MAPK4: variants seen among roughly 807,000 people sequenced by gnomAD.
The protein encoded by MAPK4 is Erk3-related.
Under a neutral mutation model 47.7 loss-of-function variants are expected in MAPK4, and 22 were observed. The observed-to-expected ratio is 0.46, with a 90% CI of 0.33 to 0.66. MAPK4 has a LOEUF of 0.66. MAPK4 is among the 30% of genes least tolerant of loss of function. The probability of loss-of-function intolerance (pLI) is 0.02; values close to 1 mark genes in which losing one functional copy is unlikely to be tolerated. For synonymous variants in MAPK4, 390 were observed against 365.7 expected (o/e 1.07, Z -0.76); for missense variants, 736 against 831.7 (o/e 0.88, Z 1.42).
intron 1 of MAPK4, among the ~76,000 whole-genome samples, chr18:50,593,501 C>A (rs2042455719): frequency 6.6e-6 from 1 of 152,340 alleles, no homozygotes; most frequent in Middle Eastern, 3.4e-3. Context: ...TCTTTCTGAG[C>A]AGAGAGTCCT....
rs774339790 is a variant in MAPK4, at chr18:50,664,228, C to A, written c.270C>A (p.Asp90Glu). Reference protein sequence around the residue: ...VYEVLGPKGTDLQGELFKFSV... With the variant: ...VYEVLGPKGTELQGELFKFSV... ...AGGTGCTCGGTCCCAAGGGCACTGACCTGCAGGGTGAGCTGTTCAAGTTCA... is the reference window on the plus strand; with the variant it reads ...AGGTGCTCGGTCCCAAGGGCACTGAACTGCAGGGTGAGCTGTTCAAGTTCA... The change falls in exon 2 of 6, where the codon GAC becomes GAA. Residue 90 changes from aspartate to glutamate, a missense_variant. Transcript: ENST00000400384. This position sits in a 1 kb window ranked among gnomAD's most constrained non-coding sequence, Gnocchi z 6.0. 6 of 1,613,944 alleles carry A rather than the reference C, an allele frequency of 3.7e-6. No homozygotes were observed. In the Admixed American group the frequency reaches 8.3e-5, roughly 22 times the overall value.
chr18:50,621,429 G>T (rs769319743), intron 1 of MAPK4, among the ~76,000 whole-genome samples: 6 of 152,286 alleles, frequency 3.9e-5, no homozygotes, highest in Middle Eastern at 6.8e-3. Flanking sequence ...TAAATACAAG[G>T]GAGAAAAATG....
intron 1 of MAPK4, among the ~76,000 whole-genome samples, chr18:50,651,268 C>T (rs888759420): frequency 5.9e-5 from 9 of 152,198 alleles, no homozygotes; most frequent in African/African-American, 2.2e-4. Context: ...ACTCCGCACC[C>T]AGTCGGTGGA....
intron 1 of MAPK4, among the ~76,000 whole-genome samples, chr18:50,641,186 A>G (rs148478544): frequency 2.6e-5 from 4 of 152,252 alleles, no homozygotes; most frequent in Non-Finnish European, 4.4e-5. Context: ...AATCCCCATA[A>G]AGCATTCCTC....
chr18:50,560,503 G>T (rs2042143484), intron 1 of MAPK4: 1 of 152,448 alleles, frequency 6.6e-6, no homozygotes, highest in South Asian at 2.1e-4. Flanking sequence ...TCCTGGACCC[G>T]TTTGGGATGG....
At chr18:50,702,126 C>A (rs1402462930) in intron 2 of MAPK4, among the ~76,000 whole-genome samples, 1 of 132,520 alleles carries the variant, frequency 7.5e-6, no homozygotes, top group Admixed American at 8.6e-5. Flanking sequence ...CACACCACTG[C>A]ACTCCAGCCT....
chr18:50,653,588 T>C (rs764994698), intron 1 of MAPK4, among the ~76,000 whole-genome samples: 1 of 152,178 alleles, frequency 6.6e-6, no homozygotes, highest in Non-Finnish European at 1.5e-5. Flanking sequence ...CTCTACCTTC[T>C]AGGGTGTGAT....
intron 1 of MAPK4, among the ~76,000 whole-genome samples, chr18:50,634,315 CTT>C (rs5824846): frequency 7.0e-6 from 1 of 143,828 alleles, no homozygotes; most frequent in Admixed American, 7.0e-5. Flanking sequence ...TTTTTTTTTT[CTT>C]TTTTTTTTTT....
intron 1 of MAPK4, among the ~76,000 whole-genome samples, chr18:50,593,722 T>C (rs1481152526): frequency 6.6e-6 from 1 of 152,186 alleles, no homozygotes; most frequent in Non-Finnish European, 1.5e-5. Flanking sequence ...ATTGACAAGC[T>C]GATTCTAAAA....
At chr18:50,617,116 G>A (rs909734544) in intron 1 of MAPK4, among the ~76,000 whole-genome samples, 9 of 152,178 alleles carry the variant, frequency 5.9e-5, no homozygotes, top group Non-Finnish European at 1.2e-4. Context: ...CAAGATGGAG[G>A]ACCCTTTGAT....
intron 1 of MAPK4, among the ~76,000 whole-genome samples, chr18:50,662,680 C>T (rs942526853): frequency 4.6e-5 from 7 of 152,246 alleles, no homozygotes; most frequent in Non-Finnish European, 2.9e-5. Context: ...ACACGAGTAT[C>T]GATCCTTTGT....
intron 1 of MAPK4, among the ~76,000 whole-genome samples, chr18:50,600,640 T>C (rs2042527348): frequency 6.6e-6 from 1 of 152,174 alleles, no homozygotes. Context: ...AAGCTGAGGC[T>C]TCCCATTTGT....
intron 1 of MAPK4, among the ~76,000 whole-genome samples, chr18:50,606,601 G>T (rs1010290711): frequency 6.6e-6 from 1 of 152,112 alleles, no homozygotes; most frequent in Non-Finnish European, 1.5e-5. Flanking sequence ...TTCAAAGTTA[G>T]GTGTGACTGT....
intron 2 of MAPK4, among the ~76,000 whole-genome samples, chr18:50,674,582 GGTCCCACACACTGTTCCCTCT>G (rs1908153594): frequency 6.6e-6 from 1 of 152,226 alleles, no homozygotes; most frequent in Admixed American, 6.5e-5. Context: ...TGACAGCTCT[GGTCCCACACACTGTTCCCTCT>G]GTTCCCACAT....
intron 2 of MAPK4, among the ~76,000 whole-genome samples, chr18:50,685,390 A>T (rs1247944238): frequency 6.6e-6 from 1 of 152,234 alleles, no homozygotes; most frequent in East Asian, 1.9e-4. Context: ...AGCATCCCAC[A>T]CGTGGCTATG....
intron 1 of MAPK4, among the ~76,000 whole-genome samples, chr18:50,571,532 T>C (rs2042250327): frequency 6.6e-6 from 1 of 152,242 alleles, no homozygotes; most frequent in African/African-American, 2.4e-5. Flanking sequence ...CAGCCTGAGA[T>C]GAAGTAAATT....
chr18:50,614,209 C>T (rs1568045794), intron 1 of MAPK4, among the ~76,000 whole-genome samples: 1 of 151,826 alleles, frequency 6.6e-6, no homozygotes, highest in East Asian at 1.9e-4. Context: ...CAGAATAATC[C>T]TTAATTAATG....
intron 2 of MAPK4, among the ~76,000 whole-genome samples, chr18:50,695,715 G>C (rs2076365050): frequency 1.3e-5 from 2 of 152,222 alleles, no homozygotes; most frequent in South Asian, 4.1e-4. Context: ...GACGGAGGCA[G>C]AGGGAGCACC....
At chr18:50,612,673 C>T (rs1284467561) in intron 1 of MAPK4, among the ~76,000 whole-genome samples, 1 of 152,176 alleles carries the variant, frequency 6.6e-6, no homozygotes, top group African/African-American at 2.4e-5. Flanking sequence ...TTGGGGTCAT[C>T]TTCTGTGTAC....
Sources: allele counts gnomAD v4.1 joint callset (sites outside exome capture counted in the v4.1 genomes callset), GRCh38; gene constraint gnomAD v4.1.1; non-coding constraint Gnocchi (gnomAD v3.1); transcripts MANE v1.5; gene names NCBI Gene and HGNC (gene_info 2026-07-23, HGNC 2026-07-21).